GPR50: variants seen among roughly 807,000 people sequenced by gnomAD.
The protein encoded by GPR50 is melatonin-related receptor.
Under a neutral mutation model 2.6 loss-of-function variants are expected in GPR50, and 1 was observed. That is an observed-to-expected ratio of 0.38 (90% CI 0.13 to 1.79). The LOEUF (loss-of-function observed/expected upper bound fraction) is 1.79. GPR50 is among the 40% of genes most tolerant of loss of function. GPR50 has a pLI of 0.33. For missense variants in GPR50, 535 were observed against 522.1 expected (o/e 1.02, Z -0.24); for synonymous variants, 233 against 202.3 (o/e 1.15, Z -1.29).
downstream of GPR50, chrX:151,182,537 G>A (rs945743684): frequency 8.9e-6 from 1 of 111,740 alleles, no homozygotes; most frequent in African/African-American, 3.3e-5. Flanking sequence ...GCAAGGAGAA[G>A]AAAGAGATGC....
Position 151,180,947 on chromosome X carries a change from G to C in GPR50, c.1364G>C (p.Gly455Ala), listed in dbSNP as rs1373241610. Residue 455 changes from glycine to alanine, a missense_variant, in exon 2 of 2, where the codon GGT becomes GCT. Physicochemically the swap from Gly to Ala is moderately conservative, Grantham distance 60. Transcript: ENST00000218316. ...HFKADSVHFK[G>A]DSVHFKPDSV... ...AAGGCTGACTCTGTCCATTTCAAGG[G>C]TGACTCTGTCCATTTCAAGCCTGAC... The C allele has an allele frequency of 2.5e-6, 3 of 1,208,201 alleles. No homozygotes were observed. The highest frequency in any genetic ancestry group is 3.5e-5 in the African/African-American group (2 of 56,556).
downstream of GPR50, chrX:151,182,797 T>C (rs1329171532): frequency 8.9e-6 from 1 of 112,910 alleles, no homozygotes; most frequent in Non-Finnish European, 1.9e-5. Context: ...TGTATTATAC[T>C]GCCTTAATTC....
At chrX:151,179,277 CT>C (rs2048698266) in intron 1 of GPR50, among the ~76,000 whole-genome samples, 1 of 110,383 alleles carries the variant, frequency 9.1e-6, no homozygotes, top group Non-Finnish European at 1.9e-5. Flanking sequence ...AATCTTCTCT[CT>C]AGTAATGTGT....
In GPR50 at chrX:151,176,884, A is replaced by G; in HGVS notation, c.163A>G (p.Lys55Glu). Residue 55 changes from lysine to glutamate, a missense_variant, in exon 1 of 2, where the codon AAG becomes GAG. Coordinates refer to ENST00000218316, the MANE Select transcript of GPR50 (RefSeq NM_004224.3). ...GNSMVILAVT[K>E]NKKLRNSGNI... is the part of the protein sequence containing the mutation. Reference sequence around the variant, plus strand: ...CTCCATGGTCATTTTGGCTGTGACGAAGAACAAGAAGCTCCGGAATTCTGG... The same window carrying G: ...CTCCATGGTCATTTTGGCTGTGACGGAGAACAAGAAGCTCCGGAATTCTGG... The G allele has an allele frequency of 8.3e-7, 1 of 1,204,636 alleles. No homozygotes were observed. Among genetic ancestry groups the G allele is most frequent in the Non-Finnish European group, 1.1e-6 (1 of 890,810 alleles).
rs1442933489 is a variant in GPR50, at chrX:151,181,029, C to G, written c.1446C>G (p.Val482=). Residue 482 remains valine, a synonymous_variant, in exon 2 of 2, where the codon GTC becomes GTG. Coordinates refer to ENST00000218316, the MANE Select transcript of GPR50 (RefSeq NM_004224.3). ...CCAAGCCCATCACTGGCCACCATGT[C>G]TCTGCTGGCAGCCACTCCAAGTCTG... ...SNPKPITGHH[V]SAGSHSKSAF... 2.5e-6 allele frequency: 3 copies of G among 1,209,060 alleles called. No individual in the cohort carries two copies. Among genetic ancestry groups the G allele is most frequent in the Non-Finnish European group, 2.2e-6 (2 of 894,869 alleles).
At chrX:151,182,420 T>G (rs2124121890), downstream of GPR50, 1 of 112,376 alleles carries the variant, frequency 8.9e-6, no homozygotes, top group Non-Finnish European at 1.9e-5. Flanking sequence ...GTTTTTGCAT[T>G]ATTGCTTTCA....
chrX:151,180,611 G>C lies in GPR50; in HGVS notation c.1028G>C (p.Arg343Pro), dbSNP rs752426790. Residue 343 changes from arginine to proline, a missense_variant, in exon 2 of 2, where the codon CGC becomes CCC. Physicochemically the swap from Arg to Pro is moderately radical, Grantham distance 103. Coordinates refer to ENST00000218316, the MANE Select transcript of GPR50 (RefSeq NM_004224.3). Reference protein sequence around the residue: ...RTLARARAHARDQAREQDRAH... With the variant: ...RTLARARAHAPDQAREQDRAH... The stretch of plus-strand genomic sequence containing the variant: ...CTGGCCCGCGCCCGTGCCCATGCTC[G>C]CGACCAAGCTCGTGAACAAGACCGT... 4 of 1,208,825 alleles carry C rather than the reference G, an allele frequency of 3.3e-6. No homozygotes were observed. The highest frequency in any genetic ancestry group is 5.9e-5 in the East Asian group (2 of 33,809).
At chrX:151,177,951 G>A (rs2048690323) in intron 1 of GPR50, 1 of 110,619 alleles carries the variant, frequency 9.0e-6, no homozygotes, top group African/African-American at 3.3e-5. Flanking sequence ...TGGGGGTGGG[G>A]GCGGCAGACA....
At chrX:151,181,610 AGTGTGTGCGTGG>A (rs1300691634), downstream of GPR50, 2 of 419,356 alleles carry the variant, frequency 4.8e-6, no homozygotes, top group African/African-American at 4.9e-5. Flanking sequence ...ACTGTATTAA[AGTGTGTGCGTGG>A]GTGTGTGTGT....
chrX:151,181,433 T>C lies in GPR50; in HGVS notation c.1850T>C (p.Val617Ala). ...DVEDDPDEMA[V>A] ...GAAGATGATCCTGATGAAATGGCTG[T>C]GTGAAAAATGCTCTCGTAGGTGGCC... Residue 617 changes from valine (V) to alanine (A), a missense_variant, in exon 2 of 2, where the codon GTG (valine) becomes GCG (alanine). Coordinates refer to ENST00000218316, the MANE Select transcript of GPR50 (RefSeq NM_004224.3). 8.5e-7 allele frequency: 1 copy of C among 1,170,315 alleles called. No homozygotes were observed.
Position 151,180,241 on chromosome X carries a change from G to A in GPR50, c.658G>A (p.Asp220Asn). The A allele has an allele frequency of 8.3e-7, 1 of 1,206,113 alleles. No individual in the cohort carries two copies. The highest frequency in any genetic ancestry group is 1.1e-6 in the Non-Finnish European group (1 of 894,683). The change falls in exon 2 of 2, where the codon GAC becomes AAC. Residue 220 changes from aspartate (D) to asparagine (N), a missense_variant. Coordinates refer to ENST00000218316, the MANE Select transcript of GPR50 (RefSeq NM_004224.3). ...CTGGACCAAAGTGCTGGCGGCCCGT[G>A]ACCCTGCAGGGCAGAATCCTGACAA... Reference protein sequence around the residue: ...RIWTKVLAARDPAGQNPDNQL... With the variant: ...RIWTKVLAARNPAGQNPDNQL...
At chrX:151,178,729 T>C (rs1208753353) in intron 1 of GPR50, among the ~76,000 whole-genome samples, 1 of 112,274 alleles carries the variant, frequency 8.9e-6, no homozygotes, top group Non-Finnish European at 1.9e-5. Context: ...AAGTGCAATA[T>C]TTTGCCAAAC....
chrX:151,178,477 C>G (rs868393762), intron 1 of GPR50, among the ~76,000 whole-genome samples: 26 of 112,343 alleles, frequency 2.3e-4, no homozygotes, highest in Middle Eastern at 4.6e-3. Flanking sequence ...TCTCCTTCTC[C>G]TTCCTTCCTT....
At chrX:151,179,088 C>T (rs1185267896) in intron 1 of GPR50, among the ~76,000 whole-genome samples, 1 of 103,909 alleles carries the variant, frequency 9.6e-6, no homozygotes, top group Admixed American at 1.0e-4. Context: ...TTCCCGCCCG[C>T]CCTCTCACTA....
At chrX:151,177,810 G>A in intron 1 of GPR50, 1 of 112,793 alleles carries the variant, frequency 8.9e-6, no homozygotes, top group Non-Finnish European at 1.9e-5. Context: ...AAGGGCTGGG[G>A]TCTGGGAGCC....
chrX:151,180,486 C>A lies in GPR50; in HGVS notation c.903C>A (p.Phe301Leu). ...TCTACGGGCTCCTCAATGAGAATTT[C>A]CGAAGAGAATACTGGACCATCTTCC... ...AVIYGLLNEN[F>L]RREYWTIFHA... Residue 301 changes from phenylalanine to leucine, a missense_variant, in exon 2 of 2, where the codon TTC (phenylalanine) becomes TTA (leucine). Physicochemically the swap from Phe to Leu is conservative, Grantham distance 22. Transcript: ENST00000218316. The A allele has an allele frequency of 8.3e-7, 1 of 1,211,039 alleles. No individual in the cohort carries two copies. The highest frequency in any genetic ancestry group is 1.1e-6 in the Non-Finnish European group (1 of 895,030).
chrX:151,181,268 A>G lies in GPR50; in HGVS notation c.1685A>G (p.Glu562Gly). ...GTGTCTGACGACAGTGACCTCCCTG[A>G]GTCGGCCTCTAGCCCTGCCGCTGGG... Reference protein sequence around the residue: ...HPVSDDSDLPESASSPAAGPT... With the variant: ...HPVSDDSDLPGSASSPAAGPT... The change falls in exon 2 of 2, where the codon GAG (glutamate) becomes GGG (glycine). Residue 562 changes from glutamate (E) to glycine (G), a missense_variant. Glu to Gly is a moderately conservative substitution (Grantham distance 98, BLOSUM62 -2). Transcript: ENST00000218316. 1.7e-6 allele frequency: 2 copies of G among 1,210,654 alleles called. No individual in the cohort carries two copies. Among genetic ancestry groups the G allele is most frequent in the South Asian group, 3.5e-5 (2 of 56,840 alleles).
intron 1 of GPR50, chrX:151,177,537 C>T (rs1422297002): frequency 1.8e-5 from 2 of 112,218 alleles, no homozygotes; most frequent in African/African-American, 3.2e-5. Context: ...AGCCGAGCTC[C>T]GTCCGCCCGT....
chrX:151,179,550 C>A (rs1345623939), intron 1 of GPR50, among the ~76,000 whole-genome samples: 1 of 110,557 alleles, frequency 9.0e-6, no homozygotes, highest in Non-Finnish European at 1.9e-5. Context: ...GCAGCATGAC[C>A]CTGTCTCATT....
Sources: allele counts gnomAD v4.1 joint callset (sites outside exome capture counted in the v4.1 genomes callset), GRCh38; gene constraint gnomAD v4.1.1; transcripts MANE v1.5; gene names NCBI Gene and HGNC (gene_info 2026-07-23, HGNC 2026-07-21).